Variants in HMCES observed in about 807,000 individuals in gnomAD.
HMCES encodes 5-hydroxymethylcytosine binding, ES cell specific.
Under a neutral mutation model 35.1 loss-of-function variants are expected in HMCES, and 27 were observed. The ratio of observed to expected loss-of-function variants is 0.77; its 90% CI spans 0.57 to 1.06. HMCES has a LOEUF of 1.06. HMCES is among the 50% of genes least tolerant of loss of function. HMCES has a pLI of 0.00. For missense variants in HMCES, 391 were observed against 430.4 expected (o/e 0.91, Z 0.81); for synonymous variants, 130 against 154.7 (o/e 0.84, Z 1.18).
In HMCES at chr3:129,305,048, C is replaced by T. The variant is rs2107702377; in HGVS notation, c.*223C>T. 5.3e-6 allele frequency: 3 copies of T among 571,110 alleles called. No homozygotes were observed. The South Asian group carries it at 6.4e-5, about 12-fold the overall frequency. 35.4% of individuals were successfully genotyped at this position (571,110 alleles called of 1,614,324 possible). A position where few individuals can be genotyped will look rare whatever the true frequency, so the allele number is the denominator to read the frequency against. ...TGCTGCTGTTACCAGCCATGTGGGC[C>T]CCATAGGGGCACTGCGCCTGCTGCC... is the stretch of plus-strand genomic sequence containing the variant. On this transcript the variant is annotated 3_prime_UTR_variant, in exon 7 of 7. Coordinates refer to ENST00000383463, the MANE Select transcript of HMCES (RefSeq NM_020187.3).
chr3:129,289,162 C>T (rs1401420976), intron 3 of HMCES, among the ~76,000 whole-genome samples, 165 bp downstream of exon 3: 1 of 152,170 alleles, frequency 6.6e-6, no homozygotes, highest in Non-Finnish European at 1.5e-5. Flanking sequence ...CATAACAAAC[C>T]ACACCAGACT....
chr3:129,301,913 T>G, intron 5 of HMCES, 37 bp from the exon 6 acceptor site: 1 of 1,532,902 alleles, frequency 6.5e-7, no homozygotes, highest in Non-Finnish European at 8.9e-7. Context: ...ATTCTCATGC[T>G]ACCTCTCCCA....
At chr3:129,281,926 C>CAAA (rs553350109) in intron 2 of HMCES, among the ~76,000 whole-genome samples, 2 of 71,562 alleles carry the variant, frequency 2.8e-5, no homozygotes, top group African/African-American at 4.5e-5. Context: ...GACTCAGTCT[C>CAAA]AAAAAAAAAA....
intron 2 of HMCES, among the ~76,000 whole-genome samples, chr3:129,281,234 T>A (rs1940472822): frequency 1.3e-5 from 2 of 151,652 alleles, no homozygotes; most frequent in South Asian, 4.2e-4. Flanking sequence ...AAAAAAAAAT[T>A]GTGATTGTTT....
intron 5 of HMCES, among the ~76,000 whole-genome samples, chr3:129,299,827 C>T (rs1428887196): frequency 7.9e-5 from 12 of 151,546 alleles, no homozygotes; most frequent in African/African-American, 2.2e-4. Context: ...AACAGGGTTT[C>T]GCCATGTTAC....
intron 3 of HMCES, among the ~76,000 whole-genome samples, chr3:129,290,204 AAAAG>A (rs1381253010): frequency 1.1e-4 from 16 of 151,834 alleles, no homozygotes; most frequent in African/African-American, 3.6e-4. Context: ...AAAAAAAAAA[AAAAG>A]AAAAGAGAGG....
At chr3:129,303,648 G>C (rs1224870935) in intron 6 of HMCES, among the ~76,000 whole-genome samples, 1 of 152,034 alleles carries the variant, frequency 6.6e-6, no homozygotes, top group African/African-American at 2.4e-5. Flanking sequence ...TTAGGATTTT[G>C]GAGCATTTTG....
intron 2 of HMCES, among the ~76,000 whole-genome samples, chr3:129,288,067 A>G (rs898232599): frequency 1.3e-5 from 2 of 152,160 alleles, no homozygotes; most frequent in South Asian, 4.2e-4. Flanking sequence ...AAAAAAAAAT[A>G]AAAATAAAAA....
intron 4 of HMCES, among the ~76,000 whole-genome samples, chr3:129,295,152 C>A (rs2071076583): frequency 7.2e-6 from 1 of 139,128 alleles, no homozygotes; most frequent in East Asian, 2.0e-4. Context: ...GAGTGAGACT[C>A]CATCTCAAAA....
In HMCES at chr3:129,304,680, AAG is replaced by A; in HGVS notation, c.923_924del (p.Glu308ValfsTer64). On this transcript the variant is annotated frameshift_variant, in exon 7 of 7. Transcript: ENST00000383463. LOFTEE classifies it low-confidence loss of function (END_TRUNC). Reference sequence around the variant, plus strand: ...GAAGACTCAAAAACACCTCAAAAGGAAGAGTCAGATGTTCCCCAGTGGTCCAG... The same window carrying A: ...GAAGACTCAAAAACACCTCAAAAGGAAGTCAGATGTTCCCCAGTGGTCCAG... 1 of 1,614,210 alleles carries A rather than the reference AAG, an allele frequency of 6.2e-7. No individual in the cohort carries two copies. Among genetic ancestry groups the A allele is most frequent in the Non-Finnish European group, 8.5e-7 (1 of 1,180,044 alleles).
chr3:129,293,933 C>CT (rs1295025098), intron 4 of HMCES, among the ~76,000 whole-genome samples: 9 of 152,006 alleles, frequency 5.9e-5, no homozygotes, highest in African/African-American at 2.2e-4. Context: ...GACAATCATT[C>CT]TTTTAATTTG....
At chr3:129,289,915 C>T (rs62266895) in intron 3 of HMCES, among the ~76,000 whole-genome samples, 18,714 of 151,940 alleles carry the variant, frequency 0.12, 1,294 homozygotes, top group Middle Eastern at 0.23. Flanking sequence ...TGGCCGGGCA[C>T]GGTGGCTCAC....
intron 2 of HMCES, among the ~76,000 whole-genome samples, chr3:129,282,971 T>G (rs951589965): frequency 2.6e-5 from 4 of 152,184 alleles, no homozygotes; most frequent in Non-Finnish European, 5.9e-5. Flanking sequence ...TCAGTGGAAT[T>G]TGTGAGAGCA....
chr3:129,300,957 G>T (rs1187335077), intron 5 of HMCES, among the ~76,000 whole-genome samples: 2 of 151,850 alleles, frequency 1.3e-5, no homozygotes. Context: ...CGTGAACCCG[G>T]GAGGTGGAGC....
At chr3:129,304,560 T>C (rs2071211793) in intron 6 of HMCES, 29 bp from the exon 7 acceptor site, 9 of 1,587,210 alleles carry the variant, frequency 5.7e-6, no homozygotes, top group Admixed American at 1.7e-5. Flanking sequence ...TTGAGCTGTA[T>C]GGTTTGAGCT....
At chr3:129,289,269 A>C (rs1444958635) in intron 3 of HMCES, among the ~76,000 whole-genome samples, 1 of 152,296 alleles carries the variant, frequency 6.6e-6, no homozygotes, top group East Asian at 1.9e-4. Context: ...CTCATGTTGC[A>C]GTTAGATGGC....
intron 4 of HMCES, among the ~76,000 whole-genome samples, chr3:129,295,594 C>T (rs1475958358): frequency 2.6e-5 from 4 of 152,102 alleles, no homozygotes; most frequent in Non-Finnish European, 4.4e-5. Flanking sequence ...TATTTTTCAC[C>T]GTATATAAGA....
intron 4 of HMCES, among the ~76,000 whole-genome samples, chr3:129,296,793 C>T (rs1386615696): frequency 2.0e-5 from 3 of 152,076 alleles, no homozygotes; most frequent in Non-Finnish European, 4.4e-5. Flanking sequence ...GAGACAGAGT[C>T]TCCCTCTGTT....
chr3:129,287,921 G>A (rs796695032), intron 2 of HMCES, among the ~76,000 whole-genome samples: 8 of 152,294 alleles, frequency 5.3e-5, no homozygotes, highest in African/African-American at 1.9e-4. Flanking sequence ...AGCTGGCGTG[G>A]TGGTGGAAGC....
Sources: allele counts gnomAD v4.1 joint callset (sites outside exome capture counted in the v4.1 genomes callset), GRCh38; gene constraint gnomAD v4.1.1; transcripts MANE v1.5; gene names NCBI Gene and HGNC (gene_info 2026-07-23, HGNC 2026-07-21).